The following FMO5 variants were observed in gnomAD, a reference collection of about 807,000 sequenced individuals.
The protein encoded by FMO5 is flavin containing dimethylaniline monoxygenase 5.
A neutral mutation model predicts 43.6 loss-of-function variants in FMO5; 51 were observed. The ratio of observed to expected loss-of-function variants is 1.17; its 90% confidence interval spans 0.93 to 1.48. The LOEUF (loss-of-function observed/expected upper bound fraction) is 1.48, where lower values mean the gene tolerates loss of function less well. FMO5 is among the 40% of genes most tolerant of loss of function. The probability of loss-of-function intolerance (pLI) is 0.00; values close to 1 mark genes in which losing one functional copy is unlikely to be tolerated. For synonymous variants in FMO5, 187 were observed against 216.5 expected (o/e 0.86, Z 1.20); for missense variants, 644 against 643.0 (o/e 1.00, Z -0.02).
At chr1:147,201,003 T>C (rs1388878496) in intron 7 of FMO5, 149 bp downstream of exon 7, 1 of 649,942 alleles carries the variant, frequency 1.5e-6, no homozygotes, top group Non-Finnish European at 2.6e-6. Flanking sequence ...CTACTTTAGA[T>C]TCACTCAAAA....
At chr1:147,215,126 G>A (rs924690582) in intron 3 of FMO5, 10 of 152,118 alleles carry the variant, frequency 6.6e-5, no homozygotes, top group African/African-American at 2.4e-4. Flanking sequence ...GAGCAGGAAG[G>A]AACCACAGAA....
At chr1:147,185,718 A>G (rs1332494952), downstream of FMO5, among the ~76,000 whole-genome samples, 2 of 152,212 alleles carry the variant, frequency 1.3e-5, no homozygotes, top group Non-Finnish European at 2.9e-5. Flanking sequence ...AACATATTGT[A>G]CAACAGCTAT....
rs138308629 is a variant in FMO5, at chr1:147,219,536, G to A, written c.136-3594C>T. Among the ~76,000 whole-genome samples the A allele has an allele frequency of 9.0e-3, 1,368 of 152,172 alleles. 9 individuals carry two copies. Among genetic ancestry groups the A allele is most frequent in the Non-Finnish European group, 0.014 (922 of 68,004 alleles). On this transcript the variant is annotated intron_variant, in intron 2 of 8. Coordinates refer to ENST00000254090, the MANE Select transcript of FMO5 (RefSeq NM_001461.4). ...CCTATAACCAACATCATACTTAACA[G>A]TGAGAAATTAGACACTTTTCCCCTA...
chr1:147,203,563 C>T, intron 6 of FMO5: 1 of 988,504 alleles, frequency 1.0e-6, no homozygotes, highest in Non-Finnish European at 1.6e-6. Context: ...AGAGTTTTCT[C>T]CAGAGTATTT....
At chr1:147,184,445 T>C (rs1025362741), downstream of FMO5, 105 of 1,392,686 alleles carry the variant, frequency 7.5e-5, no homozygotes, top group Non-Finnish European at 9.1e-5. This position sits in a 1 kb window ranked among gnomAD's most constrained non-coding sequence, Gnocchi z 4.4. Context: ...TTAAAGTTCT[T>C]TTTCTGTTGC....
intron 2 of FMO5, among the ~76,000 whole-genome samples, chr1:147,217,879 A>C (rs587727043): frequency 2.0e-5 from 3 of 152,334 alleles, no homozygotes; most frequent in African/African-American, 7.2e-5. Context: ...CTCCAACTAG[A>C]TTGTAAGCCC....
Position 147,213,490 on chromosome 1 carries a change from C to A in FMO5, c.325-20G>T. The A allele has an allele frequency of 6.3e-7, 1 of 1,577,582 alleles. No individual in the cohort carries two copies. Among genetic ancestry groups the A allele is most frequent in the Non-Finnish European group, 8.6e-7 (1 of 1,162,090 alleles). On this transcript the variant is annotated intron_variant, in intron 3 of 8. Transcript: ENST00000254090. ...AGTGGTCTGAAAAGAAAAGTGATAA[C>A]CACAGGGGACATCCCTGACATGACT...
At position 147,214,170 on chromosome 1, in the gene FMO5, G is replaced by A. The variant is rs587691640; in HGVS notation, c.325-700C>T. ...CATGGACTAATAGAGACACCATCCC[G>A]GCCGGGTGCGGTGGCTCACGCATGT... On this transcript the variant is annotated intron_variant, in intron 3 of 8. Transcript: ENST00000254090. Among the ~76,000 whole-genome samples the A allele has an allele frequency of 2.6e-4, 40 of 152,200 alleles. No individual in the cohort carries two copies. In the East Asian group the frequency reaches 6.4e-3, roughly 24 times the overall value.
chr1:147,200,197 T>C (rs1658734494), intron 7 of FMO5, among the ~76,000 whole-genome samples: 1 of 152,226 alleles, frequency 6.6e-6, no homozygotes, highest in African/African-American at 2.4e-5. Context: ...GGTAAGCTGA[T>C]GTGTAACCCT....
chr1:147,217,305 G>T (rs1371400613), intron 2 of FMO5, among the ~76,000 whole-genome samples: 4 of 151,912 alleles, frequency 2.6e-5, no homozygotes, highest in Admixed American at 2.6e-4. Flanking sequence ...TTGTTGTGGT[G>T]ATCACATAAA....
At chr1:147,219,613 G>A (rs1662639679) in intron 2 of FMO5, among the ~76,000 whole-genome samples, 2 of 151,982 alleles carry the variant, frequency 1.3e-5, no homozygotes, top group African/African-American at 4.8e-5. Context: ...ATGGAACATT[G>A]CACTAGAAGT....
downstream of FMO5, chr1:147,184,521 G>A (rs1553916673): frequency 5.2e-6 from 8 of 1,547,570 alleles, no homozygotes; most frequent in Non-Finnish European, 7.0e-6. The surrounding 1 kb of genome is among the most constrained non-coding windows in gnomAD (Gnocchi z 4.4). Context: ...TTTATTCCGG[G>A]ACAATTTCTC....
chr1:147,213,924 C>T (rs1661498991), intron 3 of FMO5, among the ~76,000 whole-genome samples: 1 of 152,086 alleles, frequency 6.6e-6, no homozygotes, highest in African/African-American at 2.4e-5. Context: ...GGCTCCTTTT[C>T]CTGGTAGGGT....
intron 7 of FMO5, among the ~76,000 whole-genome samples, chr1:147,191,123 G>T (rs1226717126): frequency 9.2e-5 from 14 of 152,116 alleles, no homozygotes; most frequent in Non-Finnish European, 1.5e-4. Context: ...TTGCTATTGT[G>T]AATAGTGCCG....
chr1:147,225,136 G>A, intron 1 of FMO5, 70 bp from the exon 2 acceptor site: 1 of 1,574,994 alleles, frequency 6.3e-7, no homozygotes, highest in South Asian at 1.2e-5. Flanking sequence ...CCTTGGCCGT[G>A]GCATTCGAAT....
chr1:147,222,522 C>T (rs939724649), intron 2 of FMO5, among the ~76,000 whole-genome samples: 5 of 152,102 alleles, frequency 3.3e-5, no homozygotes, highest in African/African-American at 1.2e-4. Flanking sequence ...TTCAAAATCC[C>T]ATGGAATAGA....
Position 147,221,437 on chromosome 1 carries a change from C to T in FMO5, c.135+3458G>A, listed in dbSNP as rs587686747. Among the ~76,000 whole-genome samples, 25 of 152,152 alleles carry T rather than the reference C, an allele frequency of 1.6e-4. 1 individual carries two copies. Among genetic ancestry groups the T allele is most frequent in the African/African-American group, 5.3e-4 (22 of 41,506 alleles). On this transcript the variant is annotated intron_variant, in intron 2 of 8. Coordinates refer to ENST00000254090, the MANE Select transcript of FMO5 (RefSeq NM_001461.4). The stretch of plus-strand genomic sequence containing the variant: ...TCTAAAACTGTTCTAAAATTAAAAG[C>T]TTATTTAAACATGTTTGTACATAAG...
At chr1:147,222,864 A>G (rs7525225) in intron 2 of FMO5, among the ~76,000 whole-genome samples, 3,401 of 152,270 alleles carry the variant, frequency 0.022, 122 homozygotes, top group African/African-American at 0.077. Context: ...ACCTCCTCCC[A>G]TCCTCAATTG....
chr1:147,190,890 G>A (rs1466015591), intron 7 of FMO5, among the ~76,000 whole-genome samples: 1 of 151,726 alleles, frequency 6.6e-6, no homozygotes, highest in Non-Finnish European at 1.5e-5. Flanking sequence ...GTGTCCATCT[G>A]TTCTGATTGT....
Sources: allele counts gnomAD v4.1 joint callset (sites outside exome capture counted in the v4.1 genomes callset), GRCh38; gene constraint gnomAD v4.1.1; non-coding constraint Gnocchi (gnomAD v3.1); transcripts MANE v1.5; gene names NCBI Gene and HGNC (gene_info 2026-07-23, HGNC 2026-07-21).